Variants in ANO6 observed in about 807,000 individuals in gnomAD.
ANO6 encodes anoctamin-6.
A neutral mutation model predicts 117.5 loss-of-function variants in ANO6; 106 were observed. The observed-to-expected ratio is 0.90, with a 90% confidence interval of 0.77 to 1.06. ANO6 has a LOEUF of 1.06. Ranked by LOEUF, ANO6 falls within the 50% of genes least tolerant of loss-of-function variation. The pLI is 0.00. For synonymous variants in ANO6, 367 were observed against 385.1 expected, an observed-to-expected ratio of 0.95 and a Z score of 0.55; for missense variants, 955 against 1,121.1, an observed-to-expected ratio of 0.85 and a Z score of 2.12.
intron 8 of ANO6, among the ~76,000 whole-genome samples, chr12:45,364,412 T>C (rs961285877): frequency 2.0e-5 from 3 of 152,214 alleles, no homozygotes; most frequent in African/African-American, 7.2e-5. Context: ...TCCTTTTTTC[T>C]CTGGGACTTC....
chr12:45,390,402 T>A lies in ANO6; in HGVS notation c.1309-19T>A, dbSNP rs1243025977. On this transcript the variant is annotated intron_variant, in intron 11 of 19. Transcript: ENST00000320560. ...CAGTAATCCCTTGATTGACTAAACT[T>A]TTTTGTTTTTGTAATTAGGAAGAAG... is the stretch of plus-strand genomic sequence containing the variant. 1.2e-6 allele frequency: 2 copies of A among 1,604,314 alleles called. No homozygotes were observed. The highest frequency in any genetic ancestry group is 4.5e-5 in the East Asian group (2 of 44,798).
intron 1 of ANO6, among the ~76,000 whole-genome samples, chr12:45,298,463 G>C (rs1049935316): frequency 6.6e-6 from 1 of 152,116 alleles, no homozygotes; most frequent in Admixed American, 6.6e-5. Context: ...AGTTGTGTTA[G>C]ATTACCATAA....
intron 1 of ANO6, among the ~76,000 whole-genome samples, chr12:45,274,357 A>C (rs545577809): frequency 1.3e-5 from 2 of 152,118 alleles, no homozygotes; most frequent in African/African-American, 4.8e-5. Flanking sequence ...TCGTGAGTCT[A>C]TACTTCCTCC....
intron 8 of ANO6, among the ~76,000 whole-genome samples, chr12:45,361,398 C>A (rs1325544684): frequency 2.0e-5 from 3 of 152,064 alleles, no homozygotes; most frequent in Non-Finnish European, 4.4e-5. Flanking sequence ...GTGTGTGCTG[C>A]AACCTTGCTA....
At chr12:45,318,016 G>A (rs1465713188) in intron 2 of ANO6, among the ~76,000 whole-genome samples, 1 of 152,150 alleles carries the variant, frequency 6.6e-6, no homozygotes, top group Admixed American at 6.5e-5. Context: ...GTAGATTTTG[G>A]ATATTAGCCC....
chr12:45,347,497 T>C (rs1011666140), intron 4 of ANO6: 10 of 188,994 alleles, frequency 5.3e-5, no homozygotes, highest in Non-Finnish European at 9.8e-5. Context: ...GTACACATTT[T>C]TTATCTTTCA....
chr12:45,252,435 A>G (rs1009317529), intron 1 of ANO6, among the ~76,000 whole-genome samples: 2 of 152,236 alleles, frequency 1.3e-5, no homozygotes, highest in Non-Finnish European at 2.9e-5. Context: ...ATACAAACAT[A>G]TCTGCATCTC....
intron 1 of ANO6, among the ~76,000 whole-genome samples, chr12:45,281,472 G>A (rs1938730975): frequency 6.6e-6 from 1 of 152,214 alleles, no homozygotes; most frequent in South Asian, 2.1e-4. Context: ...GGGCCTCAGG[G>A]AGCTTACAAT....
intron 19 of ANO6, among the ~76,000 whole-genome samples, chr12:45,426,759 A>G (rs1943513772): frequency 6.6e-6 from 1 of 152,026 alleles, no homozygotes; most frequent in African/African-American, 2.4e-5. Flanking sequence ...TTATTCTCTT[A>G]GTGATCCTGG....
chr12:45,248,163 G>A (rs1015290663), intron 1 of ANO6, among the ~76,000 whole-genome samples: 6 of 152,152 alleles, frequency 3.9e-5, no homozygotes, highest in Admixed American at 3.9e-4. Flanking sequence ...TGACATGCAT[G>A]TGTAACAGTA....
chr12:45,378,266 C>T (rs1157751722), intron 10 of ANO6, among the ~76,000 whole-genome samples, 153 bp downstream of exon 10: 1 of 151,968 alleles, frequency 6.6e-6, no homozygotes, highest in Non-Finnish European at 1.5e-5. Flanking sequence ...TATCAGTTAA[C>T]TTTTACTATA....
chr12:45,405,985 C>G (rs1244658406), intron 15 of ANO6, among the ~76,000 whole-genome samples: 1 of 152,098 alleles, frequency 6.6e-6, no homozygotes, highest in Non-Finnish European at 1.5e-5. Flanking sequence ...TAGAGAAAAG[C>G]CTTATAAGTC....
At chr12:45,323,135 TAGG>T (rs764300247) in intron 2 of ANO6, among the ~76,000 whole-genome samples, 4 of 152,184 alleles carry the variant, frequency 2.6e-5, no homozygotes, top group Non-Finnish European at 5.9e-5. Flanking sequence ...TGAAAGAGGC[TAGG>T]AGAAGGGGAG....
chr12:45,256,390 G>A (rs971201316), intron 1 of ANO6: 2 of 152,128 alleles, frequency 1.3e-5, no homozygotes, highest in African/African-American at 4.8e-5. Flanking sequence ...GTTTGTCATT[G>A]CATTGGTACC....
Position 45,350,745 on chromosome 12 carries a change from A to G in ANO6, c.834A>G (p.Ile278Met). The stretch of plus-strand genomic sequence containing the variant: ...GAGAATGGGCTCATCCTCGAAGCAT[A>G]TACAAAAAGCAGCCCTTGGATCTTA... ...LYREWAHPRS[I>M]YKKQPLDLIR... The change falls in exon 7 of 20, where the codon ATA becomes ATG. Residue 278 changes from isoleucine to methionine, a missense_variant. Transcript: ENST00000320560. 1 of 1,613,718 alleles carries G rather than the reference A, an allele frequency of 6.2e-7. No homozygotes were observed. Among genetic ancestry groups the G allele is most frequent in the East Asian group, 2.2e-5 (1 of 44,862 alleles).
At chr12:45,383,818 A>T (rs1187369067) in intron 10 of ANO6, among the ~76,000 whole-genome samples, 1 of 152,192 alleles carries the variant, frequency 6.6e-6, no homozygotes, top group African/African-American at 2.4e-5. Context: ...CATAATTCTT[A>T]AAGGCCCTAG....
intron 2 of ANO6, among the ~76,000 whole-genome samples, chr12:45,327,409 G>A (rs1940506595): frequency 6.6e-6 from 1 of 152,178 alleles, no homozygotes; most frequent in African/African-American, 2.4e-5. Flanking sequence ...TAAAAAGGCT[G>A]TGCCACTTAA....
In ANO6 at chr12:45,357,341, C is replaced by T; in HGVS notation, c.915C>T (p.Tyr305=). The T allele has an allele frequency of 6.2e-7, 1 of 1,614,030 alleles. No homozygotes were observed. The highest frequency in any genetic ancestry group is 8.5e-7 in the Non-Finnish European group (1 of 1,179,960). ...IGIYFAWLGY[Y]TQMLLLAAVV... is the part of the protein sequence containing the mutation. ...TCTACTTTGCTTGGCTGGGCTATTACACTCAGATGCTTCTCCTGGCCGCAG... is the reference window on the plus strand; with the variant it reads ...TCTACTTTGCTTGGCTGGGCTATTATACTCAGATGCTTCTCCTGGCCGCAG... Residue 305 remains tyrosine (Y), a synonymous_variant, in exon 8 of 20, where the codon TAC becomes TAT. Coordinates refer to ENST00000320560, the MANE Select transcript of ANO6 (RefSeq NM_001025356.3).
intron 8 of ANO6, among the ~76,000 whole-genome samples, chr12:45,359,988 G>A (rs1237353800): frequency 6.6e-6 from 1 of 152,166 alleles, no homozygotes; most frequent in Admixed American, 6.5e-5. Flanking sequence ...TGTCATTGCA[G>A]TTTTGACTTT....
Sources: allele counts gnomAD v4.1 joint callset (sites outside exome capture counted in the v4.1 genomes callset), GRCh38; gene constraint gnomAD v4.1.1; transcripts MANE v1.5; gene names NCBI Gene and HGNC (gene_info 2026-07-23, HGNC 2026-07-21).